IREB2: variants seen among roughly 807,000 people sequenced by gnomAD.
IREB2 encodes iron responsive element binding protein 2.
In IREB2, 39 loss-of-function variants were observed where a neutral mutation model predicts 118.8. The observed-to-expected ratio is 0.33, with a 90% CI of 0.25 to 0.43. IREB2 has a LOEUF of 0.43. Ranked by LOEUF, IREB2 falls within the 20% of genes least tolerant of loss-of-function variation. IREB2 has a pLI of 1.00. For missense variants in IREB2, 900 were observed against 1,147.3 expected (o/e 0.78, Z 3.11); for synonymous variants, 372 against 392.2 (o/e 0.95, Z 0.61).
intron 4 of IREB2, among the ~76,000 whole-genome samples, chr15:78,465,911 C>A (rs1334115371): frequency 1.3e-5 from 2 of 152,000 alleles, no homozygotes; most frequent in Non-Finnish European, 2.9e-5. Flanking sequence ...TTTATTATAG[C>A]CCATGAGAGA....
rs748259678 is a variant in IREB2 at position 78,484,939 on chromosome 15, C to G, written c.1573+19C>G. The G allele has an allele frequency of 5.0e-6, 8 of 1,596,716 alleles. No homozygotes were observed. The South Asian group carries it at 9.0e-5, about 18-fold the overall frequency. ...GCTGCAGGTGGGTTGTGGTTTATGG[C>G]CATACTTTTTCTTTTTCCTTAATTA... On this transcript the variant is annotated intron_variant, in intron 12 of 21. Transcript: ENST00000258886.
intron 5 of IREB2, among the ~76,000 whole-genome samples, chr15:78,468,135 T>C (rs1382419238): frequency 6.6e-6 from 1 of 152,244 alleles, no homozygotes; most frequent in African/African-American, 2.4e-5. Context: ...ATTATAAGCA[T>C]GAGCTACTGT....
At chr15:78,481,981 C>A (rs1596008313) in intron 10 of IREB2, among the ~76,000 whole-genome samples, 1 of 152,174 alleles carries the variant, frequency 6.6e-6, no homozygotes, top group Non-Finnish European at 1.5e-5. Context: ...GTTATTCTTG[C>A]GTGTAATCCC....
chr15:78,455,643 T>C (rs2051093791), intron 2 of IREB2, among the ~76,000 whole-genome samples: 1 of 152,192 alleles, frequency 6.6e-6, no homozygotes, highest in Admixed American at 6.5e-5. Context: ...CTCTCTATTG[T>C]TGTAACTCTT....
At chr15:78,481,332 A>C (rs149838447) in intron 10 of IREB2, among the ~76,000 whole-genome samples, 1,942 of 151,612 alleles carry the variant, frequency 0.013, 42 homozygotes, top group African/African-American at 0.044. Flanking sequence ...CCTCCTGAGT[A>C]GCTAGGATTA....
chr15:78,483,372 C>T lies in IREB2; in HGVS notation c.1351C>T (p.Pro451Ser). 1 of 1,609,186 alleles carries T rather than the reference C, an allele frequency of 6.2e-7. No individual in the cohort carries two copies. The highest frequency in any genetic ancestry group is 8.5e-7 in the Non-Finnish European group (1 of 1,175,604). ...TCCATCTGTTAGTGGTCCAAAAAGA[C>T]CTCAGGATAGAGTTGCTGTGACAGA... ...IVPSVSGPKR[P>S]QDRVAVTDMK... The change falls in exon 11 of 22, where the codon CCT (proline) becomes TCT (serine). Residue 451 changes from proline to serine, a missense_variant. Physicochemically the swap from Pro to Ser is moderately conservative, Grantham distance 74. Coordinates refer to ENST00000258886, the MANE Select transcript of IREB2 (RefSeq NM_004136.4).
chr15:78,452,114 G>T (rs1039261075), intron 2 of IREB2, among the ~76,000 whole-genome samples: 4 of 152,304 alleles, frequency 2.6e-5, no homozygotes, highest in East Asian at 3.9e-4. Flanking sequence ...AGTGAGAGAT[G>T]ATGTACTGGT....
chr15:78,479,907 TGA>T (rs1439364825), intron 10 of IREB2: 1 of 134,482 alleles, frequency 7.4e-6, no homozygotes, highest in Non-Finnish European at 1.6e-5. Flanking sequence ...GGCAACAGAA[TGA>T]GACAGTGTCT....
intron 11 of IREB2, 63 bp from the exon 12 acceptor site, chr15:78,484,698 C>A: frequency 8.5e-7 from 1 of 1,173,736 alleles, no homozygotes; most frequent in Non-Finnish European, 1.2e-6. Flanking sequence ...ATGTTTTCTG[C>A]CAGTCTTTTA....
chr15:78,451,804 C>T (rs945978266), intron 2 of IREB2, among the ~76,000 whole-genome samples: 3 of 152,156 alleles, frequency 2.0e-5, no homozygotes, highest in Non-Finnish European at 2.9e-5. Flanking sequence ...TCTCCTGCCT[C>T]AGCCTTCCTA....
chr15:78,453,022 T>G (rs2051050719), intron 2 of IREB2, among the ~76,000 whole-genome samples: 1 of 152,250 alleles, frequency 6.6e-6, no homozygotes, highest in African/African-American at 2.4e-5. Context: ...GAACTGTGGC[T>G]TAGGAAACCC....
intron 2 of IREB2, among the ~76,000 whole-genome samples, chr15:78,460,666 AGTT>A (rs2051181798): frequency 6.6e-6 from 1 of 152,218 alleles, no homozygotes. Context: ...AACAACAAAC[AGTT>A]GTTAAGGGTT....
rs2051702337 is a variant in IREB2 at position 78,488,734 on chromosome 15, T to C, written c.2039T>C (p.Ile680Thr). ...EVHRVEEEHV[I>T]LSMFKALKDK... ...CATCGAGTAGAGGAAGAACATGTTA[T>C]ACTATCCATGTTTAAAGCATTAAAA... The change falls in exon 16 of 22, where the codon ATA becomes ACA. Residue 680 changes from isoleucine to threonine, a missense_variant. Coordinates refer to ENST00000258886, the MANE Select transcript of IREB2 (RefSeq NM_004136.4). 6.4e-7 allele frequency: 1 copy of C among 1,557,192 alleles called. No individual in the cohort carries two copies. The highest frequency in any genetic ancestry group is 2.2e-5 in the East Asian group (1 of 44,518).
Position 78,500,538 on chromosome 15 carries a change from C to CAAAAA in IREB2, c.*2410_*2414dup, listed in dbSNP as rs59011037. ...TATACCTTGGGTAATTTTGTGTTAC[C>CAAAAA]AAAAAAAAAAAAAAAAAAAGGAAGT... On this transcript the variant is annotated 3_prime_UTR_variant, in exon 22 of 22. Coordinates refer to ENST00000258886, the MANE Select transcript of IREB2 (RefSeq NM_004136.4). 1.7e-5 allele frequency: 2 copies of CAAAAA among 117,344 alleles called. No homozygotes were observed. Among genetic ancestry groups the CAAAAA allele is most frequent in the African/African-American group, 6.9e-5 (2 of 29,132 alleles). The allele number at this position is 117,344 out of a possible 1,614,324, so 7.3% of individuals were successfully genotyped here.
At chr15:78,471,971 T>C (rs1237327137) in intron 7 of IREB2, 47 bp downstream of exon 7, 3 of 1,347,308 alleles carry the variant, frequency 2.2e-6, no homozygotes, top group South Asian at 3.4e-5. Flanking sequence ...GGTAAGGATG[T>C]CAAGAACATT....
Position 78,498,249 on chromosome 15 carries a change from T to C in IREB2, c.*106T>C, listed in dbSNP as rs2051874149. ...CAGCAGATAGTCCCAGTATACTCAC[T>C]TATCTCATCCATGGATGTAAATGAT... is the stretch of plus-strand genomic sequence containing the variant. On this transcript the variant is annotated 3_prime_UTR_variant, in exon 22 of 22. Transcript: ENST00000258886. 1.6e-6 allele frequency: 1 copy of C among 612,052 alleles called. No homozygotes were observed. Among genetic ancestry groups the C allele is most frequent in the African/African-American group, 1.9e-5 (1 of 53,244 alleles). The allele number at this position is 612,052 out of a possible 1,614,324, so 37.9% of individuals were successfully genotyped here. A position where few individuals can be genotyped will look rare whatever the true frequency, so the allele number is the denominator to read the frequency against.
intron 16 of IREB2, 39 bp from the exon 17 acceptor site, chr15:78,490,383 A>ATCT (rs2051730046): frequency 1.5e-6 from 2 of 1,351,082 alleles, no homozygotes; most frequent in East Asian, 4.6e-5. Flanking sequence ...GAGTCCTTTT[A>ATCT]TCTTTGCTTT....
intron 16 of IREB2, among the ~76,000 whole-genome samples, chr15:78,490,034 T>G (rs1429877643): frequency 1.3e-5 from 2 of 152,210 alleles, no homozygotes; most frequent in Non-Finnish European, 2.9e-5. Flanking sequence ...ACTTGCCCCT[T>G]GGAGTGTTCC....
chr15:78,472,040 C>G (rs1176936773), intron 7 of IREB2, 116 bp downstream of exon 7: 2 of 692,908 alleles, frequency 2.9e-6, no homozygotes, highest in East Asian at 2.8e-5. Context: ...TGTTTTTCAT[C>G]TGTAATAACA....
Sources: allele counts gnomAD v4.1 joint callset (sites outside exome capture counted in the v4.1 genomes callset), GRCh38; gene constraint gnomAD v4.1.1; transcripts MANE v1.5; gene names NCBI Gene and HGNC (gene_info 2026-07-23, HGNC 2026-07-21).